The following ST3GAL6 variants were observed in gnomAD, a reference collection of about 807,000 sequenced individuals.
ST3GAL6 encodes ST3 beta-galactoside alpha-2,3-sialyltransferase 6.
ST3GAL6 carries 31 observed loss-of-function variants against 40.5 expected under a neutral mutation model. The observed-to-expected ratio is 0.77, with a 90% confidence interval of 0.58 to 1.03. The LOEUF (loss-of-function observed/expected upper bound fraction) is 1.03, where lower values mean the gene tolerates loss of function less well. Ranked by LOEUF, ST3GAL6 falls within the 50% of genes least tolerant of loss-of-function variation. ST3GAL6 has a pLI of 0.00. For missense variants in ST3GAL6, 357 were observed against 393.2 expected (o/e 0.91, Z 0.78); for synonymous variants, 129 against 136.9 (o/e 0.94, Z 0.40).
chr3:98,793,774 A>G lies in ST3GAL6; in HGVS notation c.*13A>G. On this transcript the variant is annotated 3_prime_UTR_variant, in exon 10 of 10. Coordinates refer to ENST00000483910, the MANE Select transcript of ST3GAL6 (RefSeq NM_001323368.2). ...GACTCAAGATTGACTCTACAGACTC[A>G]GAAGATGATGCTAACAGTGTTAGTT... 1.4e-5 allele frequency: 22 copies of G among 1,522,194 alleles called. No individual in the cohort carries two copies. The highest frequency in any genetic ancestry group is 1.9e-5 in the Non-Finnish European group (21 of 1,114,846). The allele number at this position is 1,522,194 out of a possible 1,614,324, so 94.3% of individuals were successfully genotyped here.
chr3:98,742,320 A>G (rs967961816), intron 1 of ST3GAL6, among the ~76,000 whole-genome samples: 28 of 152,264 alleles, frequency 1.8e-4, no homozygotes, highest in African/African-American at 6.5e-4. Context: ...GTAGATTTTA[A>G]CTCTGTCTTT....
intron 9 of ST3GAL6, among the ~76,000 whole-genome samples, chr3:98,792,683 T>G (rs916894345): frequency 6.6e-6 from 1 of 150,718 alleles, no homozygotes; most frequent in African/African-American, 2.4e-5. Context: ...ATTTTTTTTT[T>G]TTTTTTTTGT....
exon 1 of ST3GAL6, chr3:98,732,488 GGC>G (rs1935102670): frequency 2.1e-5 from 4 of 192,864 alleles, no homozygotes; most frequent in Admixed American, 1.2e-4. Context: ...TTCCGGTCCC[GGC>G]GCCCGGCGAG....
intron 5 of ST3GAL6, among the ~76,000 whole-genome samples, chr3:98,780,094 A>G (rs536065085): frequency 6.6e-6 from 1 of 152,364 alleles, no homozygotes; most frequent in African/African-American, 2.4e-5. Context: ...AGCCAGAATC[A>G]CAAGCCAAAT....
At chr3:98,752,595 G>A (rs921357421) in intron 1 of ST3GAL6, among the ~76,000 whole-genome samples, 9 of 151,696 alleles carry the variant, frequency 5.9e-5, no homozygotes, top group East Asian at 1.9e-4. Flanking sequence ...CCTCAGCCTC[G>A]CGAGTAGCTG....
At chr3:98,776,178 A>C (rs1196093322) in intron 5 of ST3GAL6, among the ~76,000 whole-genome samples, 1 of 152,220 alleles carries the variant, frequency 6.6e-6, no homozygotes, top group African/African-American at 2.4e-5. Context: ...CCTATATTTT[A>C]AGTGAGTCAT....
chr3:98,763,734 A>G (rs989449970), intron 1 of ST3GAL6, among the ~76,000 whole-genome samples: 1 of 124,642 alleles, frequency 8.0e-6, no homozygotes. Context: ...CCTAGTGACT[A>G]AAAAAAAAAA....
At chr3:98,751,283 A>G (rs903431634) in intron 1 of ST3GAL6, among the ~76,000 whole-genome samples, 13 of 152,194 alleles carry the variant, frequency 8.5e-5, no homozygotes, top group African/African-American at 3.1e-4. Flanking sequence ...AATAGTGGAT[A>G]GAAGATGATG....
chr3:98,734,620 C>T (rs1355282172), intron 1 of ST3GAL6, among the ~76,000 whole-genome samples: 1 of 152,110 alleles, frequency 6.6e-6, no homozygotes, highest in Non-Finnish European at 1.5e-5. Flanking sequence ...TAAAATGGGA[C>T]TGCAATTTTG....
intron 1 of ST3GAL6, among the ~76,000 whole-genome samples, chr3:98,736,067 T>C (rs1935520616): frequency 6.6e-6 from 1 of 152,198 alleles, no homozygotes; most frequent in Non-Finnish European, 1.5e-5. Flanking sequence ...TGTGCCCATG[T>C]TTGTTTTTCT....
intron 1 of ST3GAL6, among the ~76,000 whole-genome samples, chr3:98,747,587 T>C (rs1160363076): frequency 1.3e-5 from 2 of 152,234 alleles, no homozygotes; most frequent in Non-Finnish European, 2.9e-5. Flanking sequence ...ATCAAGTCTC[T>C]GAAAACAACC....
chr3:98,762,074 G>T (rs1937836293), upstream of ST3GAL6, among the ~76,000 whole-genome samples: 1 of 117,466 alleles, frequency 8.5e-6, no homozygotes, highest in South Asian at 3.2e-4. Flanking sequence ...GTCTACATGT[G>T]CTAAGGACAG....
intron 1 of ST3GAL6, among the ~76,000 whole-genome samples, 176 bp downstream of exon 1, chr3:98,763,615 T>C (rs965119810): frequency 1.3e-5 from 2 of 151,948 alleles, no homozygotes; most frequent in African/African-American, 4.8e-5. Flanking sequence ...AGCAGCATGT[T>C]GGGTTTGAGA....
Position 98,763,733 on chromosome 3 carries a change from T to TAA in ST3GAL6, c.-12+312_-12+313dup, listed in dbSNP as rs1156871943. Among the ~76,000 whole-genome samples the TAA allele has an allele frequency of 3.8e-3, 380 of 100,170 alleles. 5 individuals carry two copies. Among genetic ancestry groups the TAA allele is most frequent in the African/African-American group, 0.013 (353 of 27,930 alleles). 65.7% of individuals were successfully genotyped at this position (100,170 alleles called of 152,430 possible). Reference sequence around the variant, plus strand: ...GGACATGGTTTAGGATCCTAGTGACTAAAAAAAAAAAAAAAAAAATGGAAG... The same window carrying TAA: ...GGACATGGTTTAGGATCCTAGTGACTAAAAAAAAAAAAAAAAAAAAATGGAAG... On this transcript the variant is annotated intron_variant, in intron 1 of 9. Coordinates refer to ENST00000483910, the MANE Select transcript of ST3GAL6 (RefSeq NM_001323368.2).
At chr3:98,793,030 G>A (rs1373241828) in intron 9 of ST3GAL6, among the ~76,000 whole-genome samples, 1 of 152,124 alleles carries the variant, frequency 6.6e-6, no homozygotes, top group Non-Finnish European at 1.5e-5. Context: ...GTATAAATCA[G>A]GTTAGATTTA....
At chr3:98,781,474 TA>T (rs36013913) in intron 5 of ST3GAL6, among the ~76,000 whole-genome samples, 205 of 142,964 alleles carry the variant, frequency 1.4e-3, no homozygotes, top group Middle Eastern at 3.6e-3. Context: ...ACTTAAAGTA[TA>T]AAAAAAAAAA....
chr3:98,774,683 A>G (rs143225353), intron 5 of ST3GAL6, among the ~76,000 whole-genome samples: 13 of 152,318 alleles, frequency 8.5e-5, no homozygotes, highest in African/African-American at 3.1e-4. Flanking sequence ...TTAAAAAGGA[A>G]AATGGCAGAA....
chr3:98,740,922 G>A (rs959442475), intron 1 of ST3GAL6, among the ~76,000 whole-genome samples: 1 of 152,084 alleles, frequency 6.6e-6, no homozygotes, highest in Non-Finnish European at 1.5e-5. Context: ...TTTGGACTAT[G>A]TTAATCTACC....
At position 98,793,954 on chromosome 3, in the gene ST3GAL6, A is replaced by G. The variant is rs1441554915; in HGVS notation, c.*193A>G. The stretch of plus-strand genomic sequence containing the variant: ...CTTATGAAAACCAAGAAATGTAAAG[A>G]TAACAGGAAAATAAGTTTTGATTGC... On this transcript the variant is annotated 3_prime_UTR_variant, in exon 10 of 10. Coordinates refer to ENST00000483910, the MANE Select transcript of ST3GAL6 (RefSeq NM_001323368.2). The G allele has an allele frequency of 2.9e-5, 11 of 382,926 alleles. No homozygotes were observed. Among genetic ancestry groups the G allele is most frequent in the Non-Finnish European group, 4.6e-5 (10 of 215,450 alleles). 23.7% of individuals were successfully genotyped at this position (382,926 alleles called of 1,614,324 possible).
Sources: allele counts gnomAD v4.1 joint callset (sites outside exome capture counted in the v4.1 genomes callset), GRCh38; gene constraint gnomAD v4.1.1; transcripts MANE v1.5; gene names NCBI Gene and HGNC (gene_info 2026-07-23, HGNC 2026-07-21).